The following ZNF438 variants were observed in gnomAD, a reference collection of about 807,000 sequenced individuals.
ZNF438 encodes zinc finger protein 438.
ZNF438 carries 25 observed loss-of-function variants against 38.0 expected under a neutral mutation model. The ratio of observed to expected loss-of-function variants is 0.66; its 90% CI spans 0.48 to 0.92. The LOEUF is 0.92. Ranked by LOEUF, ZNF438 falls within the 40% of genes least tolerant of loss-of-function variation. ZNF438 has a pLI of 0.00. For synonymous variants in ZNF438, 372 were observed against 364.1 expected (o/e 1.02, Z -0.25); for missense variants, 1,007 against 999.6 (o/e 1.01, Z -0.10).
At position 30,938,239 on chromosome 10, in the gene ZNF438, C is replaced by T. The variant is rs191088576; in HGVS notation, c.-115+3336G>A. On this transcript the variant is annotated intron_variant, in intron 2 of 5. Coordinates refer to ENST00000413025, the Ensembl canonical transcript of ZNF438. ...TTGCTTGTGTTGCCAGTTCTCTATT[C>T]ATGCGGTTAATCCAACCTGGAATAT... Among the ~76,000 whole-genome samples, 572 of 151,990 alleles carry T rather than the reference C, an allele frequency of 3.8e-3. 4 individuals carry two copies. Among genetic ancestry groups the T allele is most frequent in the African/African-American group, 0.012 (515 of 41,486 alleles).
chr10:30,931,335 A>G (rs2045675062), intron 2 of ZNF438, among the ~76,000 whole-genome samples: 1 of 152,178 alleles, frequency 6.6e-6, no homozygotes, highest in South Asian at 2.1e-4. Context: ...AGCCAGATGC[A>G]CCTCTGGAAA....
chr10:30,993,558 A>C (rs1455375156), intron 1 of ZNF438, among the ~76,000 whole-genome samples: 2 of 152,244 alleles, frequency 1.3e-5, no homozygotes, highest in African/African-American at 2.4e-5. Context: ...ATTTCAAAGG[A>C]TATACCAAAA....
At chr10:30,930,496 G>C (rs1264380521) in intron 2 of ZNF438, among the ~76,000 whole-genome samples, 1 of 152,110 alleles carries the variant, frequency 6.6e-6, no homozygotes, top group African/African-American at 2.4e-5. Context: ...CCACAGTGCA[G>C]CAGTGGGCTG....
intron 4 of ZNF438, among the ~76,000 whole-genome samples, chr10:30,867,102 T>C (rs1406563957): frequency 6.6e-6 from 1 of 152,154 alleles, no homozygotes; most frequent in Non-Finnish European, 1.5e-5. Context: ...AACTTTGGCA[T>C]AGTATCAAAG....
At chr10:30,945,285 G>A (rs955453507) in intron 1 of ZNF438, among the ~76,000 whole-genome samples, 20 of 151,358 alleles carry the variant, frequency 1.3e-4, no homozygotes, top group Admixed American at 5.9e-4. Flanking sequence ...AATACTGCTA[G>A]TATTATCTCA....
intron 1 of ZNF438, among the ~76,000 whole-genome samples, chr10:30,966,238 G>C (rs902372341): frequency 6.6e-6 from 1 of 152,108 alleles, no homozygotes; most frequent in African/African-American, 2.4e-5. Context: ...GCTGAGGTGG[G>C]AGGAGCACTT....
At chr10:30,863,373 G>A (rs2035899575) in intron 4 of ZNF438, among the ~76,000 whole-genome samples, 1 of 152,190 alleles carries the variant, frequency 6.6e-6, no homozygotes, top group East Asian at 1.9e-4. Flanking sequence ...AGCTGACCAG[G>A]TTAGTTGTCT....
At chr10:30,911,720 AAC>A (rs2043096335) in intron 2 of ZNF438, among the ~76,000 whole-genome samples, 1 of 152,042 alleles carries the variant, frequency 6.6e-6, no homozygotes, top group Non-Finnish European at 1.5e-5. Context: ...TGCTCTCCTT[AAC>A]TCCTCAAACC....
intron 1 of ZNF438, among the ~76,000 whole-genome samples, chr10:31,025,828 GCTA>G (rs1283227156): frequency 6.6e-6 from 1 of 152,026 alleles, no homozygotes; most frequent in Non-Finnish European, 1.5e-5. Flanking sequence ...AAAAATAAGT[GCTA>G]CTTATATAAA....
At chr10:30,948,584 C>T (rs1356385700) in intron 1 of ZNF438, among the ~76,000 whole-genome samples, 24 of 150,034 alleles carry the variant, frequency 1.6e-4, no homozygotes, top group Admixed American at 6.0e-4. Flanking sequence ...AACCAAGGCT[C>T]GAGAACTACG....
intron 1 of ZNF438, among the ~76,000 whole-genome samples, chr10:31,006,590 A>T (rs2055149916): frequency 6.6e-6 from 1 of 152,048 alleles, no homozygotes; most frequent in Non-Finnish European, 1.5e-5. Context: ...GAACCCAAAG[A>T]GGTGGTTGTG....
intron 2 of ZNF438, among the ~76,000 whole-genome samples, chr10:30,933,814 G>A (rs897977704): frequency 2.0e-5 from 3 of 152,068 alleles, no homozygotes; most frequent in Non-Finnish European, 4.4e-5. Flanking sequence ...ACCAGATATA[G>A]AAAGCAGGCA....
intron 2 of ZNF438, among the ~76,000 whole-genome samples, chr10:30,932,042 A>G (rs1015385349): frequency 1.3e-5 from 2 of 152,168 alleles, no homozygotes; most frequent in Non-Finnish European, 2.9e-5. Flanking sequence ...CTCTCCCTGG[A>G]GTAACTTCCT....
At chr10:30,948,540 C>G (rs1330555017) in intron 1 of ZNF438, among the ~76,000 whole-genome samples, 5 of 150,660 alleles carry the variant, frequency 3.3e-5, no homozygotes, top group African/African-American at 1.2e-4. Context: ...ATAACCAATA[C>G]AGAGAAGTGC....
At chr10:30,871,658 A>G (rs2037432903) in intron 4 of ZNF438, among the ~76,000 whole-genome samples, 1 of 152,226 alleles carries the variant, frequency 6.6e-6, no homozygotes, top group African/African-American at 2.4e-5. Flanking sequence ...GTAAGTATAC[A>G]CTTTTATGTC....
At chr10:30,942,616 T>C (rs2046935103) in intron 1 of ZNF438, among the ~76,000 whole-genome samples, 1 of 152,144 alleles carries the variant, frequency 6.6e-6, no homozygotes, top group Non-Finnish European at 1.5e-5. Flanking sequence ...GACCTTTCTT[T>C]CCAATCAGAA....
At chr10:30,953,421 TA>T (rs1003447608) in intron 1 of ZNF438, among the ~76,000 whole-genome samples, 35 of 144,006 alleles carry the variant, frequency 2.4e-4, no homozygotes, top group East Asian at 1.2e-3. Context: ...TTTAAAAAAT[TA>T]AAAAAAAAAG....
At chr10:30,912,397 T>G (rs1429282832) in intron 2 of ZNF438, among the ~76,000 whole-genome samples, 1 of 152,150 alleles carries the variant, frequency 6.6e-6, no homozygotes, top group African/African-American at 2.4e-5. Flanking sequence ...CGTCTTTCCT[T>G]CTGCCTATCT....
intron 4 of ZNF438, among the ~76,000 whole-genome samples, chr10:30,872,415 G>T: frequency 1.1e-5 from 1 of 88,144 alleles, no homozygotes. Context: ...GACAGAACAA[G>T]ACTCTGTCTC....
Sources: allele counts gnomAD v4.1 joint callset (sites outside exome capture counted in the v4.1 genomes callset), GRCh38; gene constraint gnomAD v4.1.1; transcripts MANE v1.5; gene names NCBI Gene and HGNC (gene_info 2026-07-23, HGNC 2026-07-21).